The following GLI3 variants were observed in gnomAD, a reference collection of about 807,000 sequenced individuals.
GLI3 encodes the protein transcription activator GLI3.
A neutral mutation model predicts 100.8 loss-of-function variants in GLI3; 20 were observed. The observed-to-expected ratio is 0.20, with a 90% CI of 0.14 to 0.29. The LOEUF (loss-of-function observed/expected upper bound fraction) is 0.29, where lower values mean the gene tolerates loss of function less well. Ranked by LOEUF, GLI3 falls within the 10% of genes least tolerant of loss-of-function variation. GLI3 has a pLI of 1.00. For synonymous variants in GLI3, 938 were observed against 860.5 expected (o/e 1.09, Z -1.58); for missense variants, 2,040 against 2,128.5 (o/e 0.96, Z 0.82).
At chr7:42,245,876 A>C (rs560860281) in intron 1 of GLI3, among the ~76,000 whole-genome samples, 1 of 145,554 alleles carries the variant, frequency 6.9e-6, no homozygotes, top group Non-Finnish European at 1.5e-5. Flanking sequence ...AAAGAAACAG[A>C]GAAAGAAAGA....
intron 2 of GLI3, chr7:42,152,123 G>T (rs1168662183): frequency 2.0e-5 from 3 of 152,036 alleles, no homozygotes; most frequent in Non-Finnish European, 4.4e-5. Flanking sequence ...TGAAAGAAAA[G>T]TTTCAGGTGA....
intron 3 of GLI3, among the ~76,000 whole-genome samples, chr7:42,130,278 A>C (rs558721767): frequency 1.3e-5 from 2 of 152,288 alleles, no homozygotes; most frequent in East Asian, 3.9e-4. Flanking sequence ...CAAGCAGAAC[A>C]ACATTAGGCC....
intron 4 of GLI3, among the ~76,000 whole-genome samples, chr7:42,069,097 G>C (rs527660552): frequency 3.9e-5 from 6 of 152,254 alleles, no homozygotes; most frequent in Admixed American, 1.3e-4. Context: ...TTCAGTGAAC[G>C]TGAATACCTC....
intron 2 of GLI3, among the ~76,000 whole-genome samples, chr7:42,157,860 A>G (rs1219027290): frequency 1.3e-5 from 2 of 152,232 alleles, no homozygotes; most frequent in Non-Finnish European, 2.9e-5. Flanking sequence ...ACAATAGAAC[A>G]TAGCTAAGAT....
intron 13 of GLI3, among the ~76,000 whole-genome samples, chr7:41,971,840 G>A (rs1467452642): frequency 2.0e-5 from 3 of 152,048 alleles, no homozygotes; most frequent in African/African-American, 4.8e-5. Flanking sequence ...CCTCTGCCCC[G>A]ACTGACCGGC....
chr7:42,194,615 G>T (rs934099974), intron 2 of GLI3, among the ~76,000 whole-genome samples: 1 of 152,066 alleles, frequency 6.6e-6, no homozygotes, highest in Non-Finnish European at 1.5e-5. Context: ...CTGTCTTAGC[G>T]AACGGCATTC....
At chr7:42,132,164 A>G (rs1213470916) in intron 3 of GLI3, among the ~76,000 whole-genome samples, 4 of 151,924 alleles carry the variant, frequency 2.6e-5, no homozygotes, top group African/African-American at 7.3e-5. Flanking sequence ...GCAGTGGTTC[A>G]ATCTCGGCTC....
At chr7:42,140,717 C>T (rs368773853) in intron 3 of GLI3, among the ~76,000 whole-genome samples, 1 of 152,094 alleles carries the variant, frequency 6.6e-6, no homozygotes, top group East Asian at 1.9e-4. Flanking sequence ...GAAGATACAG[C>T]ACAAATTTAC....
At chr7:42,174,755 G>A (rs1212189162) in intron 2 of GLI3, among the ~76,000 whole-genome samples, 1 of 152,216 alleles carries the variant, frequency 6.6e-6, no homozygotes, top group Non-Finnish European at 1.5e-5. Context: ...CACAGAGGGT[G>A]ACGGCACGGG....
chr7:42,004,548 T>C (rs1788394680), intron 10 of GLI3, among the ~76,000 whole-genome samples: 1 of 152,010 alleles, frequency 6.6e-6, no homozygotes, highest in Non-Finnish European at 1.5e-5. Flanking sequence ...TACCTAGGAA[T>C]AGGCCAGAAA....
intron 1 of GLI3, among the ~76,000 whole-genome samples, chr7:42,261,200 A>AACACACACACACACAAAC (rs61693928): frequency 0.34 from 50,564 of 146,732 alleles, 8,947 homozygotes; most frequent in Non-Finnish European, 0.41. Flanking sequence ...CACACACACA[A>AACACACACACACACAAAC]ACACACACAC....
At chr7:42,243,893 G>T (rs1222981341) in intron 1 of GLI3, among the ~76,000 whole-genome samples, 1 of 152,112 alleles carries the variant, frequency 6.6e-6, no homozygotes, top group Non-Finnish European at 1.5e-5. Context: ...GAGGGTAGTG[G>T]TGCAATCTCC....
intron 4 of GLI3, among the ~76,000 whole-genome samples, chr7:42,058,792 T>G (rs891801956): frequency 6.6e-6 from 1 of 152,246 alleles, no homozygotes; most frequent in Non-Finnish European, 1.5e-5. Context: ...CAATTGTTTA[T>G]AGCTAAAATT....
At chr7:42,206,878 A>C (rs1371256431) in intron 2 of GLI3, among the ~76,000 whole-genome samples, 1 of 152,142 alleles carries the variant, frequency 6.6e-6, no homozygotes, top group Non-Finnish European at 1.5e-5. Flanking sequence ...AGAACTAAAA[A>C]ATTTTTTAAA....
intron 10 of GLI3, among the ~76,000 whole-genome samples, chr7:42,002,475 A>G (rs1788329495): frequency 6.6e-6 from 1 of 152,180 alleles, no homozygotes; most frequent in Non-Finnish European, 1.5e-5. Flanking sequence ...GATTTAATAT[A>G]CCAGTACCAA....
intron 5 of GLI3, among the ~76,000 whole-genome samples, chr7:42,046,454 T>C (rs4724089): frequency 0.63 from 94,925 of 151,656 alleles, 31,139 homozygotes; most frequent in African/African-American, 0.84. Flanking sequence ...ATGGTAAAGA[T>C]AGAGATTTAA....
chr7:42,040,345 A>G, intron 6 of GLI3, 106 bp from the exon 7 acceptor site: 1 of 821,558 alleles, frequency 1.2e-6, no homozygotes, highest in Non-Finnish European at 2.1e-6. Context: ...GAAGCTGGCA[A>G]CTTGCGGTGA....
chr7:42,074,753 C>T (rs1043191038), intron 4 of GLI3, among the ~76,000 whole-genome samples: 8 of 152,168 alleles, frequency 5.3e-5, no homozygotes, highest in Non-Finnish European at 1.2e-4. Flanking sequence ...TTCTCTGTGC[C>T]CGCAGCAATG....
chr7:42,084,501 T>C (rs1230370836), intron 3 of GLI3, among the ~76,000 whole-genome samples: 1 of 152,242 alleles, frequency 6.6e-6, no homozygotes, highest in Non-Finnish European at 1.5e-5. Context: ...TGACCAGCCA[T>C]ATCCTTCCAA....
Sources: allele counts gnomAD v4.1 joint callset (sites outside exome capture counted in the v4.1 genomes callset), GRCh38; gene constraint gnomAD v4.1.1; transcripts MANE v1.5; gene names NCBI Gene and HGNC (gene_info 2026-07-23, HGNC 2026-07-21).